Variants in BCL2L12 observed in about 807,000 individuals in gnomAD.
BCL2L12 encodes BCL2 like 12.
BCL2L12 carries 27 observed loss-of-function variants against 25.7 expected under a neutral mutation model. The observed-to-expected ratio is 1.05, with a 90% CI of 0.78 to 1.45. The LOEUF is 1.45. Ranked by LOEUF, BCL2L12 falls within the 40% of genes most tolerant of loss-of-function variation. The probability of loss-of-function intolerance (pLI) is 0.00; values close to 1 mark genes in which losing one functional copy is unlikely to be tolerated. For synonymous variants in BCL2L12, 132 were observed against 145.6 expected (o/e 0.91, Z 0.67); for missense variants, 302 against 329.8 (o/e 0.92, Z 0.65).
rs2081935376 is a variant in BCL2L12, at chr19:49,670,396, C to T, written c.610C>T (p.Arg204Trp). ...CCTGGCCCTAGCCATGGAGCTGAGCCGGCGCGTGGCCGGGCTGGGGGGCAC... is the reference window on the plus strand; with the variant it reads ...CCTGGCCCTAGCCATGGAGCTGAGCTGGCGCGTGGCCGGGCTGGGGGGCAC... Reference protein sequence around the residue: ...ARLALAMELSRRVAGLGGTLA... With the variant: ...ARLALAMELSWRVAGLGGTLA... The change falls in exon 6 of 7, where the codon CGG becomes TGG. Residue 204 changes from arginine to tryptophan, a missense_variant. Transcript: ENST00000246784. The T allele has an allele frequency of 2.6e-6, 4 of 1,555,040 alleles. No individual in the cohort carries two copies. The highest frequency in any genetic ancestry group is 4.3e-4 in the Middle Eastern group (2 of 4,684).
At chr19:49,665,689 G>A, upstream of BCL2L12, 5 of 1,233,858 alleles carry the variant, frequency 4.1e-6, no homozygotes, top group South Asian at 4.5e-5. Flanking sequence ...TTGGAGCTCC[G>A]GGTAGCTCTC....
upstream of BCL2L12, chr19:49,665,910 T>C (rs760195628): frequency 7.4e-6 from 12 of 1,613,506 alleles, no homozygotes; most frequent in Middle Eastern, 3.3e-4. Context: ...ACATGCAAAT[T>C]GAGCGTGCAC....
In BCL2L12 at chr19:49,673,916, A is replaced by G; in HGVS notation, c.*168A>G. On this transcript the variant is annotated 3_prime_UTR_variant, in exon 7 of 7. Transcript: ENST00000246784. The stretch of plus-strand genomic sequence containing the variant: ...TTTCTTATTAAAAACGTTACAAAGT[A>G]TTCAATTGTCTGTTCTTACACTTGG... The G allele has an allele frequency of 1.5e-6, 1 of 680,952 alleles. No individual in the cohort carries two copies. The highest frequency in any genetic ancestry group is 2.3e-5 in the South Asian group (1 of 43,930). The allele number at this position is 680,952 out of a possible 1,614,324, so 42.2% of individuals were successfully genotyped here.
Position 49,670,157 on chromosome 19 carries a change from C to G in BCL2L12, c.430-59C>G. 1.9e-6 allele frequency: 3 copies of G among 1,571,108 alleles called. No individual in the cohort carries two copies. In the South Asian group the frequency reaches 3.4e-5, roughly 18 times the overall value. Reference sequence around the variant, plus strand: ...AACCGGGAAGCCACGCCTCCCGGCCCTCTATTGGCTGGCCCCGGGGGCGCT... The same window carrying G: ...AACCGGGAAGCCACGCCTCCCGGCCGTCTATTGGCTGGCCCCGGGGGCGCT... On this transcript the variant is annotated intron_variant, in intron 5 of 6. Coordinates refer to ENST00000246784, the MANE Select transcript of BCL2L12 (RefSeq NM_138639.2).
chr19:49,673,574 C>T (rs2082003683), intron 6 of BCL2L12, 124 bp from the exon 7 acceptor site: 1 of 798,476 alleles, frequency 1.3e-6, no homozygotes, highest in South Asian at 1.5e-5. Flanking sequence ...GTCTGGGTGT[C>T]TGTCACCCTC....
chr19:49,666,089 G>T, intron 1 of BCL2L12, 22 bp downstream of exon 1: 1 of 1,536,544 alleles, frequency 6.5e-7, no homozygotes, highest in South Asian at 1.2e-5. Context: ...GTTGACGAGG[G>T]GTGGGGTGAG....
At chr19:49,669,165 G>A in intron 5 of BCL2L12, 50 bp downstream of exon 5, 2 of 1,600,692 alleles carry the variant, frequency 1.2e-6, no homozygotes, top group South Asian at 2.2e-5. Flanking sequence ...TTGCGGAATG[G>A]TGGGGCACTG....
chr19:49,670,423 C>T lies in BCL2L12; in HGVS notation c.637C>T (p.Leu213=). The T allele has an allele frequency of 1.3e-6, 2 of 1,541,226 alleles. No individual in the cohort carries two copies. The highest frequency in any genetic ancestry group is 1.7e-6 in the Non-Finnish European group (2 of 1,147,182). ...SRRVAGLGGT[L]AGLSVEHVHS... is the part of the protein sequence containing the mutation. Reference sequence around the variant, plus strand: ...GCGCGTGGCCGGGCTGGGGGGCACCCTGGCCGGACTCAGCGTGGAGCACGT... The same window carrying T: ...GCGCGTGGCCGGGCTGGGGGGCACCTTGGCCGGACTCAGCGTGGAGCACGT... The change falls in exon 6 of 7, where the codon CTG becomes TTG. Residue 213 remains leucine (L), a synonymous_variant. Transcript: ENST00000246784.
At chr19:49,671,621 G>A (rs1005219040) in intron 6 of BCL2L12, among the ~76,000 whole-genome samples, 2 of 152,180 alleles carry the variant, frequency 1.3e-5, no homozygotes, top group Non-Finnish European at 2.9e-5. Flanking sequence ...GTGGGTGACA[G>A]AGTGGGACCC....
At chr19:49,673,608 C>A in intron 6 of BCL2L12, 90 bp from the exon 7 acceptor site, 1 of 1,117,302 alleles carries the variant, frequency 9.0e-7, no homozygotes, top group South Asian at 1.2e-5. Flanking sequence ...CTCGCCTTCC[C>A]GTCTCTAATC....
At chr19:49,668,815 G>C in intron 3 of BCL2L12, 36 bp from the exon 4 acceptor site, 3 of 1,577,452 alleles carry the variant, frequency 1.9e-6, no homozygotes, top group Non-Finnish European at 2.6e-6. Flanking sequence ...AGTTTCCAAT[G>C]TCCTGGAAAC....
At chr19:49,665,545 C>T (rs2081665985), upstream of BCL2L12, 2 of 402,964 alleles carry the variant, frequency 5.0e-6, no homozygotes, top group Non-Finnish European at 9.1e-6. Flanking sequence ...CACAGCCTGC[C>T]TTTCCACTCT....
upstream of BCL2L12, chr19:49,665,532 G>A (rs1001282160): frequency 5.5e-6 from 2 of 362,048 alleles, no homozygotes; most frequent in Non-Finnish European, 5.1e-6. Flanking sequence ...TTTCCCCAGA[G>A]TACACAGCCT....
intron 6 of BCL2L12, among the ~76,000 whole-genome samples, chr19:49,670,756 G>A (rs1293079653): frequency 6.6e-6 from 1 of 152,206 alleles, no homozygotes; most frequent in East Asian, 1.9e-4. Context: ...GGTAGCTCAT[G>A]CCTGTAATCC....
At chr19:49,671,819 C>T (rs1471463167) in intron 6 of BCL2L12, among the ~76,000 whole-genome samples, 1 of 152,146 alleles carries the variant, frequency 6.6e-6, no homozygotes, top group Non-Finnish European at 1.5e-5. Flanking sequence ...GGGGAACCCC[C>T]TGCCTCCGTC....
At position 49,670,354 on chromosome 19, in the gene BCL2L12, C is replaced by T. The variant is rs1478471739; in HGVS notation, c.568C>T (p.Pro190Ser). 1.3e-6 allele frequency: 2 copies of T among 1,594,738 alleles called. No homozygotes were observed. Among genetic ancestry groups the T allele is most frequent in the Non-Finnish European group, 1.7e-6 (2 of 1,172,276 alleles). ...ATGCCCCGGGCCCCCGCCTCCTTCCCCGGAGCCCCTGGCCCGCCTGGCCCT... is the reference window on the plus strand; with the variant it reads ...ATGCCCCGGGCCCCCGCCTCCTTCCTCGGAGCCCCTGGCCCGCCTGGCCCT... ...RACPGPPPPS[P>S]EPLARLALAM... Residue 190 changes from proline to serine, a missense_variant, in exon 6 of 7, where the codon CCG (proline) becomes TCG (serine). Physicochemically the swap from Pro to Ser is moderately conservative, Grantham distance 74. Coordinates refer to ENST00000246784, the MANE Select transcript of BCL2L12 (RefSeq NM_138639.2).
intron 5 of BCL2L12, 45 bp from the exon 6 acceptor site, chr19:49,670,171 C>T (rs1285472433): frequency 8.2e-6 from 13 of 1,581,658 alleles, no homozygotes; most frequent in Non-Finnish European, 1.1e-5. Context: ...ATTGGCTGGC[C>T]CCGGGGGCGC....
At chr19:49,669,493 G>A (rs979543709) in intron 5 of BCL2L12, among the ~76,000 whole-genome samples, 10 of 150,378 alleles carry the variant, frequency 6.6e-5, no homozygotes, top group East Asian at 5.9e-4. Context: ...CCAAGATTGC[G>A]CCACTGCACT....
intron 5 of BCL2L12, among the ~76,000 whole-genome samples, chr19:49,669,536 TAA>T (rs57156182): frequency 5.3e-4 from 70 of 132,500 alleles, no homozygotes; most frequent in Admixed American, 7.6e-4. Context: ...ACTCTGTCTT[TAA>T]AAAAAAAAAA....
Sources: allele counts gnomAD v4.1 joint callset (sites outside exome capture counted in the v4.1 genomes callset), GRCh38; gene constraint gnomAD v4.1.1; transcripts MANE v1.5; gene names NCBI Gene and HGNC (gene_info 2026-07-23, HGNC 2026-07-21).